The following RP1 variants were observed in gnomAD, a reference collection of about 807,000 sequenced individuals.
RP1 encodes oxygen-regulated protein 1.
RP1 carries 16 observed loss-of-function variants against 14.8 expected under a neutral mutation model. That is an observed-to-expected ratio of 1.08 (90% CI 0.73 to 1.65). The LOEUF is 1.65. Ranked by LOEUF, RP1 falls within the 40% of genes most tolerant of loss-of-function variation. RP1 has a pLI of 0.00. For missense variants in RP1, 2,631 were observed against 2,535.0 expected, an observed-to-expected ratio of 1.04 and a Z score of -0.81; for synonymous variants, 876 against 883.6, an observed-to-expected ratio of 0.99 and a Z score of 0.15.
intron 23 of RP1, among the ~76,000 whole-genome samples, chr8:54,776,632 G>T (rs775858623): frequency 7.7e-4 from 117 of 152,322 alleles, no homozygotes; most frequent in Middle Eastern, 3.4e-3. Context: ...TAAGGTGGGT[G>T]ATTAAAGAGG....
intron 8 of RP1, among the ~76,000 whole-genome samples, chr8:54,674,202 A>G (rs560082928): frequency 2.0e-5 from 3 of 152,172 alleles, no homozygotes; most frequent in Non-Finnish European, 4.4e-5. Flanking sequence ...TTGGGGATTT[A>G]TATGTTGTGA....
rs543239321 is a variant in RP1 at position 54,606,179 on chromosome 8, A to G, written c.-12-14776A>G. Among the ~76,000 whole-genome samples the G allele has an allele frequency of 8.5e-5, 13 of 152,258 alleles. No homozygotes were observed. The South Asian group carries it at 2.7e-3, about 32-fold the overall frequency. On this transcript the variant is annotated intron_variant, in intron 1 of 22. Transcript: ENST00000636932. ...TTGGCATGTTTTTGCAGTGGCTGGT[A>G]CCGGTTGTTCCTTTGCATGTTCAGT...
At chr8:54,602,388 A>AAAAT (rs1805313608) in intron 1 of RP1, among the ~76,000 whole-genome samples, 2 of 152,218 alleles carry the variant, frequency 1.3e-5, no homozygotes, top group African/African-American at 4.8e-5. Flanking sequence ...ATGGCTGCAT[A>AAAAT]GTATTCCAAG....
intron 24 of RP1, among the ~76,000 whole-genome samples, chr8:54,820,264 C>T (rs1203330672): frequency 6.6e-6 from 1 of 151,970 alleles, no homozygotes; most frequent in East Asian, 1.9e-4. Context: ...AGGGGTGAGG[C>T]AAGCACTCCC....
intron 1 of RP1, among the ~76,000 whole-genome samples, chr8:54,578,780 C>G (rs1459377168): frequency 6.6e-6 from 1 of 152,158 alleles, no homozygotes; most frequent in African/African-American, 2.4e-5. Flanking sequence ...CCGGGCTAAG[C>G]AAGGTACTTC....
At chr8:54,758,086 A>G (rs1381323913) in intron 21 of RP1, among the ~76,000 whole-genome samples, 2 of 152,208 alleles carry the variant, frequency 1.3e-5, no homozygotes, top group Non-Finnish European at 2.9e-5. Flanking sequence ...CACATAGGCA[A>G]TACAAATGAT....
Position 54,679,472 on chromosome 8 carries a change from AG to A in RP1, c.1534del (p.Asp512IlefsTer38), listed in dbSNP as rs766053845. 6.5e-5 allele frequency: 100 copies of A among 1,536,004 alleles called. No homozygotes were observed. Among genetic ancestry groups the A allele is most frequent in the Admixed American group, 3.5e-4 (18 of 50,990 alleles). On this transcript the variant is annotated frameshift_variant, in exon 10 of 23. Coordinates refer to the RP1 transcript ENST00000636932. LOFTEE classifies it high-confidence loss of function. Reference sequence around the variant, plus strand: ...TAAAATTGTCAGAGAACTGTATGCCAGGGATAACAGTATCTTCTCTGCGAGT... The same window carrying A: ...TAAAATTGTCAGAGAACTGTATGCCAGGATAACAGTATCTTCTCTGCGAGT...
chr8:54,853,405 C>T (rs1431585492), intron 26 of RP1, among the ~76,000 whole-genome samples: 1 of 152,142 alleles, frequency 6.6e-6, no homozygotes, highest in Non-Finnish European at 1.5e-5. Flanking sequence ...TTCTATAAGT[C>T]ACTGCTGTTG....
chr8:54,735,696 C>T (rs1237792993), intron 18 of RP1, among the ~76,000 whole-genome samples: 1 of 152,200 alleles, frequency 6.6e-6, no homozygotes, highest in Non-Finnish European at 1.5e-5. Flanking sequence ...TGGAGGAGCA[C>T]TTTGGCTCCT....
downstream of RP1, among the ~76,000 whole-genome samples, chr8:54,772,186 T>C (rs974254623): frequency 3.9e-5 from 6 of 152,058 alleles, no homozygotes; most frequent in African/African-American, 1.4e-4. Flanking sequence ...TCATTCTTCA[T>C]AGCAAAACTA....
downstream of RP1, among the ~76,000 whole-genome samples, chr8:54,635,096 A>G (rs1806321857): frequency 6.6e-6 from 1 of 151,704 alleles, no homozygotes; most frequent in African/African-American, 2.4e-5. Flanking sequence ...AAAAAAAAAA[A>G]GATGTAATAT....
intron 12 of RP1, among the ~76,000 whole-genome samples, chr8:54,693,299 G>C (rs950059297): frequency 1.3e-5 from 2 of 151,980 alleles, no homozygotes; most frequent in African/African-American, 4.8e-5. Context: ...TTGGTGATGC[G>C]GGCTCTTTTT....
intron 27 of RP1, among the ~76,000 whole-genome samples, chr8:54,857,312 T>C: frequency 6.8e-6 from 1 of 147,622 alleles, no homozygotes; most frequent in Non-Finnish European, 1.5e-5. Flanking sequence ...ATTTATATAC[T>C]ATAATTATAA....
At chr8:54,682,939 A>C (rs1807471731) in intron 12 of RP1, among the ~76,000 whole-genome samples, 1 of 152,106 alleles carries the variant, frequency 6.6e-6, no homozygotes, top group African/African-American at 2.4e-5. Flanking sequence ...TGGGGTTTAC[A>C]TTTAAGTCTT....
intron 6 of RP1, among the ~76,000 whole-genome samples, chr8:54,662,813 C>G (rs1428449750): frequency 6.6e-6 from 1 of 152,102 alleles, no homozygotes; most frequent in Admixed American, 6.6e-5. Flanking sequence ...TGCTGCTGTT[C>G]ATGTTTTGAT....
intron 25 of RP1, among the ~76,000 whole-genome samples, chr8:54,838,205 TA>T (rs1162345747): frequency 6.6e-6 from 1 of 152,260 alleles, no homozygotes; most frequent in Non-Finnish European, 1.5e-5. Flanking sequence ...TCTTCTTAGC[TA>T]ATTATGTTAA....
downstream of RP1, among the ~76,000 whole-genome samples, chr8:54,633,737 CTATA>C (rs59614361): frequency 8.3e-4 from 99 of 118,798 alleles, no homozygotes; most frequent in East Asian, 4.4e-3. Flanking sequence ...CTCTCTCTCT[CTATA>C]TATATATATA....
At chr8:54,679,889 C>A (rs755622017) in exon 12 of RP1, 1 of 1,535,996 alleles carries the variant, frequency 6.5e-7, no homozygotes. Flanking sequence ...CGTTTGCATC[C>A]AGATGGCACA....
intron 24 of RP1, among the ~76,000 whole-genome samples, chr8:54,812,420 C>T (rs969850450): frequency 1.1e-4 from 16 of 152,118 alleles, no homozygotes; most frequent in African/African-American, 2.9e-4. Context: ...GGATTACAGG[C>T]GTGAGCCACT....
Sources: gnomAD v4.1 joint callset for allele counts (sites outside exome capture counted in the v4.1 genomes callset) on GRCh38, gnomAD v4.1.1 for gene constraint, MANE v1.5 for transcripts, NCBI Gene and HGNC (gene_info 2026-07-23, HGNC 2026-07-21) for gene names.